STARD7: variants seen among roughly 807,000 people sequenced by gnomAD.
STARD7 encodes the protein StAR related lipid transfer domain containing 7, also known as stAR-related lipid transfer protein 7, mitochondrial.
Under a neutral mutation model 45.3 loss-of-function variants are expected in STARD7, and 30 were observed. The observed-to-expected ratio is 0.66, with a 90% CI of 0.50 to 0.90. The LOEUF (loss-of-function observed/expected upper bound fraction) is 0.90. STARD7 is among the 40% of genes least tolerant of loss of function. The probability of loss-of-function intolerance (pLI) is 0.00; values close to 1 mark genes in which losing one functional copy is unlikely to be tolerated. For missense variants in STARD7, 495 were observed against 491.3 expected (o/e 1.01, Z -0.07); for synonymous variants, 199 against 183.0 (o/e 1.09, Z -0.70).
At chr2:96,194,596 A>G (rs1406876609) in intron 3 of STARD7, among the ~76,000 whole-genome samples, 1 of 152,252 alleles carries the variant, frequency 6.6e-6, no homozygotes, top group African/African-American at 2.4e-5. Context: ...GCATATGGCT[A>G]GTTTTAGGAA....
chr2:96,198,120 G>A (rs1034644932), intron 1 of STARD7, among the ~76,000 whole-genome samples: 9 of 151,960 alleles, frequency 5.9e-5, no homozygotes, highest in Admixed American at 1.3e-4. Context: ...GGTTGAGTTC[G>A]AGACCCAGCC....
At chr2:96,198,954 A>G (rs1433811588) in intron 1 of STARD7, among the ~76,000 whole-genome samples, 1 of 152,172 alleles carries the variant, frequency 6.6e-6, no homozygotes, top group Non-Finnish European at 1.5e-5. Flanking sequence ...TTCCCCAGTG[A>G]ACTATCCTGG....
chr2:96,193,879 C>T (rs914849944), intron 3 of STARD7, among the ~76,000 whole-genome samples: 3 of 152,224 alleles, frequency 2.0e-5, no homozygotes, highest in Non-Finnish European at 2.9e-5. Flanking sequence ...AGTGCACTTG[C>T]ACGTTAGAGT....
At chr2:96,197,653 G>A (rs887607370) in intron 1 of STARD7, among the ~76,000 whole-genome samples, 1 of 152,072 alleles carries the variant, frequency 6.6e-6, no homozygotes, top group African/African-American at 2.4e-5. Flanking sequence ...TATTCACAAG[G>A]TTGTGCAACC....
intron 6 of STARD7, 112 bp from the exon 7 acceptor site, chr2:96,187,413 T>A: frequency 1.4e-6 from 1 of 694,472 alleles, no homozygotes; most frequent in Non-Finnish European, 2.5e-6. Context: ...GTGTCATTTC[T>A]TTTTTCACCC....
intron 1 of STARD7, among the ~76,000 whole-genome samples, chr2:96,198,612 T>C (rs560453626): frequency 1.3e-5 from 2 of 152,336 alleles, no homozygotes; most frequent in South Asian, 2.1e-4. Flanking sequence ...TGGTATCTCA[T>C]TGCGTCTTGA....
chr2:96,206,819 A>T (rs1683399046), intron 1 of STARD7, among the ~76,000 whole-genome samples: 1 of 151,174 alleles, frequency 6.6e-6, no homozygotes, highest in Non-Finnish European at 1.5e-5. Context: ...AAAAAAAAAA[A>T]AAAAAGTGGA....
intron 1 of STARD7, among the ~76,000 whole-genome samples, chr2:96,204,307 C>T (rs1683353540): frequency 6.6e-6 from 1 of 150,714 alleles, no homozygotes; most frequent in Admixed American, 6.6e-5. Context: ...GTAATCCCAA[C>T]TCTTTGGGAG....
At chr2:96,199,985 C>T (rs1683280567) in intron 1 of STARD7, among the ~76,000 whole-genome samples, 1 of 152,166 alleles carries the variant, frequency 6.6e-6, no homozygotes, top group African/African-American at 2.4e-5. Context: ...AAGAACCGAC[C>T]TTGCCGTTCC....
intron 1 of STARD7, among the ~76,000 whole-genome samples, chr2:96,206,110 G>C (rs1228528563): frequency 6.6e-6 from 1 of 152,150 alleles, no homozygotes; most frequent in Non-Finnish European, 1.5e-5. Context: ...AGTCTGACCA[G>C]AGGCTCAGTC....
chr2:96,190,581 A>G (rs1404980678), intron 6 of STARD7, among the ~76,000 whole-genome samples: 1 of 151,982 alleles, frequency 6.6e-6, no homozygotes, highest in African/African-American at 2.4e-5. Context: ...CAAGTTATCT[A>G]CATGCCTCGG....
At chr2:96,196,670 C>G (rs1304965853) in intron 1 of STARD7, among the ~76,000 whole-genome samples, 1 of 152,062 alleles carries the variant, frequency 6.6e-6, no homozygotes, top group East Asian at 1.9e-4. Context: ...ACCGTGTTAC[C>G]CAGGACGGTC....
chr2:96,189,001 G>A (rs947499578), intron 6 of STARD7, among the ~76,000 whole-genome samples: 1 of 151,818 alleles, frequency 6.6e-6, no homozygotes, highest in African/African-American at 2.4e-5. Context: ...ACAGTCTGGA[G>A]TGCAGTGATG....
Position 96,208,199 on chromosome 2 carries a change from A to G in STARD7, c.236T>C (p.Leu79Ser), listed in dbSNP as rs1683430362. ...PGHASALMAA[L>S]AGVFVWDEER... ...CTCGTCCCAAACGAAGACGCCGGCT[A>G]ACGCCGCCATCAAGGCAGAGGCATG... is the stretch of plus-strand genomic sequence containing the variant. The change falls in exon 1 of 8, where the codon TTA (leucine) becomes TCA (serine). Residue 79 changes from leucine to serine, a missense_variant. Coordinates refer to ENST00000337288, the MANE Select transcript of STARD7 (RefSeq NM_020151.4). 3 of 1,607,910 alleles carry G rather than the reference A, an allele frequency of 1.9e-6. No individual in the cohort carries two copies. Among genetic ancestry groups the G allele is most frequent in the Admixed American group, 3.4e-5 (2 of 59,036 alleles).
At chr2:96,203,968 C>CA (rs1683346872) in intron 1 of STARD7, among the ~76,000 whole-genome samples, 1 of 149,192 alleles carries the variant, frequency 6.7e-6, no homozygotes, top group Non-Finnish European at 1.5e-5. Flanking sequence ...TCCATACCCC[C>CA]CAAAAAAAGA....
At position 96,195,325 on chromosome 2, in the gene STARD7, G is replaced by C. The variant is rs1472650338; in HGVS notation, c.499+16C>G. ...GTGCAACTATGGAACCCAAAAGATA[G>C]CCACACTGGGCTCACCTCGGTACTG... On this transcript the variant is annotated intron_variant, in intron 2 of 7. Coordinates refer to ENST00000337288, the MANE Select transcript of STARD7 (RefSeq NM_020151.4). 1.9e-6 allele frequency: 3 copies of C among 1,552,274 alleles called. No homozygotes were observed. The highest frequency in any genetic ancestry group is 3.9e-5 in the Admixed American group (2 of 51,384).
intron 1 of STARD7, among the ~76,000 whole-genome samples, chr2:96,203,615 A>T (rs145162712): frequency 0.019 from 2,923 of 152,248 alleles, 42 homozygotes; most frequent in Admixed American, 0.031. Context: ...TCCTCTTCAA[A>T]TTCCAAGTTA....
rs980180078 is a variant in STARD7, at chr2:96,208,743, C to T, written c.-309G>A. 6 of 408,516 alleles carry T rather than the reference C, an allele frequency of 1.5e-5. No individual in the cohort carries two copies. Among genetic ancestry groups the T allele is most frequent in the African/African-American group, 1.2e-4 (6 of 48,726 alleles). 25.3% of individuals were successfully genotyped at this position (408,516 alleles called of 1,614,324 possible). On this transcript the variant is annotated 5_prime_UTR_variant, in exon 1 of 8. Coordinates refer to ENST00000337288, the MANE Select transcript of STARD7 (RefSeq NM_020151.4). ...GCGACCTCCAGCGGGCGCCCGGGGC[C>T]GGGATGCAGGGCGCGCGGACAGAAA...
At chr2:96,204,767 T>TAAAAAAAAAAAAA (rs1683361979) in intron 1 of STARD7, among the ~76,000 whole-genome samples, 1 of 104,244 alleles carries the variant, frequency 9.6e-6, no homozygotes, top group Non-Finnish European at 2.0e-5. Context: ...AAAAAAAAAG[T>TAAAAAAAAAAAAA]TCCTTTAAGG....
Sources: allele counts gnomAD v4.1 joint callset (sites outside exome capture counted in the v4.1 genomes callset), GRCh38; gene constraint gnomAD v4.1.1; transcripts MANE v1.5; gene names NCBI Gene and HGNC (gene_info 2026-07-23, HGNC 2026-07-21).